NAALADL2: variants seen among roughly 807,000 people sequenced by gnomAD.
The protein encoded by NAALADL2 is N-acetylated alpha-linked acidic dipeptidase like 2.
Under a neutral mutation model 87.2 loss-of-function variants are expected in NAALADL2, and 76 were observed. The observed-to-expected ratio is 0.87, with a 90% CI of 0.72 to 1.05. The LOEUF (loss-of-function observed/expected upper bound fraction) is 1.05. Ranked by LOEUF, NAALADL2 falls within the 50% of genes least tolerant of loss-of-function variation. The pLI is 0.00. For missense variants in NAALADL2, 1,089 were observed against 945.8 expected (o/e 1.15, Z -1.99); for synonymous variants, 354 against 331.0 (o/e 1.07, Z -0.75).
intron 1 of NAALADL2, among the ~76,000 whole-genome samples, chr3:174,864,959 G>A (rs992249236): frequency 1.3e-5 from 2 of 152,012 alleles, no homozygotes; most frequent in African/African-American, 4.8e-5. Context: ...AGGGCATTGA[G>A]CTTCAGTTGA....
At chr3:175,490,852 A>G (rs1173424403) in intron 9 of NAALADL2, among the ~76,000 whole-genome samples, 1 of 152,142 alleles carries the variant, frequency 6.6e-6, no homozygotes, top group East Asian at 1.9e-4. Flanking sequence ...GTGGAACATC[A>G]TAGCCAAATA....
Position 175,467,185 on chromosome 3 carries a change from G to A in NAALADL2, c.1533+1G>A. On this transcript the variant is annotated splice_donor_variant, in intron 8 of 13. Transcript: ENST00000454872. LOFTEE classifies it high-confidence loss of function. ...TATTGGCTCATATGAATGGGGAGAG[G>A]TAAAGCAAAATATACATTAATTACA... 6.2e-7 allele frequency: 1 copy of A among 1,611,162 alleles called. No homozygotes were observed. Among genetic ancestry groups the A allele is most frequent in the African/African-American group, 1.3e-5 (1 of 74,960 alleles).
intron 9 of NAALADL2, among the ~76,000 whole-genome samples, chr3:175,480,402 T>C (rs1726284443): frequency 6.6e-6 from 1 of 151,868 alleles, no homozygotes; most frequent in Non-Finnish European, 1.5e-5. Context: ...CTCATTTGTC[T>C]TCTGTAATCA....
At chr3:174,776,890 C>T (rs1296065183) in intron 3 of NAALADL2, among the ~76,000 whole-genome samples, 1 of 152,120 alleles carries the variant, frequency 6.6e-6, no homozygotes, top group Non-Finnish European at 1.5e-5. Context: ...TCCGAGTGCA[C>T]AGAACATTGT....
At chr3:175,598,040 T>G (rs1279342926) in intron 10 of NAALADL2, among the ~76,000 whole-genome samples, 2 of 152,044 alleles carry the variant, frequency 1.3e-5, no homozygotes, top group Non-Finnish European at 1.5e-5. Context: ...CGTTGTATTA[T>G]GTATCTTCCA....
chr3:175,152,438 T>C (rs1482054265), intron 2 of NAALADL2, among the ~76,000 whole-genome samples: 1 of 152,190 alleles, frequency 6.6e-6, no homozygotes, highest in Non-Finnish European at 1.5e-5. Flanking sequence ...ATGATACTTA[T>C]ACTAATGGTG....
intron 9 of NAALADL2, among the ~76,000 whole-genome samples, chr3:175,497,539 T>C (rs1728982629): frequency 6.6e-6 from 1 of 152,158 alleles, no homozygotes; most frequent in South Asian, 2.1e-4. Flanking sequence ...TGTAAATGTC[T>C]AAGGAGTAGT....
chr3:175,362,936 A>G (rs1765193102), intron 5 of NAALADL2, among the ~76,000 whole-genome samples: 1 of 147,660 alleles, frequency 6.8e-6, no homozygotes, highest in Non-Finnish European at 1.5e-5. Context: ...ATCATTAGTG[A>G]TGTTGTTTTC....
At chr3:174,532,384 A>G (rs1169010787) in intron 1 of NAALADL2, among the ~76,000 whole-genome samples, 1 of 152,196 alleles carries the variant, frequency 6.6e-6, no homozygotes, top group Non-Finnish European at 1.5e-5. Context: ...CCAAGTTCTT[A>G]TCACTATTGA....
At chr3:175,140,315 T>A (rs1729803293) in intron 2 of NAALADL2, among the ~76,000 whole-genome samples, 1 of 152,152 alleles carries the variant, frequency 6.6e-6, no homozygotes, top group African/African-American at 2.4e-5. Flanking sequence ...ATGTCAGGTA[T>A]TCAGGTGGGA....
chr3:175,095,055 T>C (rs2108355726), intron 1 of NAALADL2, among the ~76,000 whole-genome samples: 1 of 152,140 alleles, frequency 6.6e-6, no homozygotes, highest in South Asian at 2.1e-4. Context: ...TTTTGACCAA[T>C]GTCACCTTTT....
intron 10 of NAALADL2, among the ~76,000 whole-genome samples, chr3:175,619,415 G>T (rs1725883632): frequency 6.6e-6 from 1 of 150,780 alleles, no homozygotes; most frequent in African/African-American, 2.4e-5. Flanking sequence ...ATAATCCATT[G>T]CATAGAAAAC....
At chr3:175,003,403 C>A (rs1014938964) in intron 1 of NAALADL2, among the ~76,000 whole-genome samples, 1 of 152,156 alleles carries the variant, frequency 6.6e-6, no homozygotes, top group Admixed American at 6.6e-5. Flanking sequence ...CTTTCTTGAG[C>A]AGCATGCTAG....
At chr3:175,098,836 T>G (rs1049557098) in intron 2 of NAALADL2, among the ~76,000 whole-genome samples, 1 of 151,912 alleles carries the variant, frequency 6.6e-6, no homozygotes, top group Non-Finnish European at 1.5e-5. Context: ...TTACAAAATG[T>G]CTTCTGGAAA....
chr3:175,783,985 G>A (rs1751534249), intron 13 of NAALADL2, among the ~76,000 whole-genome samples: 1 of 141,758 alleles, frequency 7.1e-6, no homozygotes, highest in African/African-American at 2.8e-5. Flanking sequence ...CTTTGGCTCT[G>A]TTTATATGCT....
intron 11 of NAALADL2, among the ~76,000 whole-genome samples, chr3:175,720,455 G>A (rs975646420): frequency 1.3e-5 from 2 of 151,894 alleles, no homozygotes; most frequent in African/African-American, 2.4e-5. Flanking sequence ...AAACAACAAA[G>A]GAAGGAAAAT....
chr3:174,449,464 A>G (rs1379469877), intron 1 of NAALADL2, among the ~76,000 whole-genome samples: 2 of 152,202 alleles, frequency 1.3e-5, no homozygotes, highest in Admixed American at 1.3e-4. Context: ...TATTTAACCA[A>G]TATGTCATGA....
At chr3:174,581,224 A>G (rs535911931) in intron 2 of NAALADL2, among the ~76,000 whole-genome samples, 15 of 152,328 alleles carry the variant, frequency 9.8e-5, no homozygotes, top group Admixed American at 8.5e-4. Flanking sequence ...ATTGGAAACA[A>G]TATATTCTCT....
At chr3:175,570,332 T>C (rs1423381539) in intron 9 of NAALADL2, among the ~76,000 whole-genome samples, 1 of 152,178 alleles carries the variant, frequency 6.6e-6, no homozygotes, top group African/African-American at 2.4e-5. Flanking sequence ...TCAATGTTAA[T>C]TTAATCTAAT....
Sources: gnomAD v4.1 joint callset for allele counts (sites outside exome capture counted in the v4.1 genomes callset) on GRCh38, gnomAD v4.1.1 for gene constraint, MANE v1.5 for transcripts, NCBI Gene and HGNC (gene_info 2026-07-23, HGNC 2026-07-21) for gene names.